ADAM23: variants seen among roughly 807,000 people sequenced by gnomAD.
ADAM23 encodes ADAM metallopeptidase domain 23.
In ADAM23, 33 loss-of-function variants were observed where a neutral mutation model predicts 120.1. The observed-to-expected ratio is 0.27, with a 90% CI of 0.21 to 0.37. ADAM23 has a LOEUF of 0.37. ADAM23 is among the 10% of genes least tolerant of loss of function. The probability of loss-of-function intolerance (pLI) is 1.00; values close to 1 mark genes in which losing one functional copy is unlikely to be tolerated. For missense variants in ADAM23, 862 were observed against 1,058.2 expected, an observed-to-expected ratio of 0.81 and a Z score of 2.57; for synonymous variants, 367 against 375.2, an observed-to-expected ratio of 0.98 and a Z score of 0.25.
In ADAM23 at chr2:206,594,823, A is replaced by G; in HGVS notation, c.2165A>G (p.Asp722Gly). Residue 722 changes from aspartate (D) to glycine (G), a missense_variant, in exon 23 of 26, where the codon GAT (aspartate) becomes GGT (glycine). Transcript: ENST00000264377. ...TGTGGCCCGTCTATGATGTGTTTAG[A>G]TCGGAAGTGCCTACAAATTCAAGCC... is the stretch of plus-strand genomic sequence containing the variant. ...TPCGPSMMCL[D>G]RKCLQIQALN... is the part of the protein sequence containing the mutation. The G allele has an allele frequency of 1.2e-6, 2 of 1,614,136 alleles. No homozygotes were observed. The highest frequency in any genetic ancestry group is 8.5e-7 in the Non-Finnish European group (1 of 1,180,022).
intron 3 of ADAM23, among the ~76,000 whole-genome samples, chr2:206,507,649 T>C (rs1171159985): frequency 1.3e-5 from 2 of 152,244 alleles, no homozygotes; most frequent in Non-Finnish European, 2.9e-5. Context: ...GGATTTATTG[T>C]ATGGCTTTTT....
At position 206,573,207 on chromosome 2, in the gene ADAM23, T is replaced by A. The variant is rs372787299; in HGVS notation, c.1737+12T>A. 200 of 1,612,856 alleles carry A rather than the reference T, an allele frequency of 1.2e-4. No individual in the cohort carries two copies. Among genetic ancestry groups the A allele is most frequent in the Non-Finnish European group, 1.6e-4 (186 of 1,178,952 alleles). ...GAGACTCTGGTCAGGTATGGCGCAC[T>A]GAGTTTTTGGTAATACATTTTACTT... is the stretch of plus-strand genomic sequence containing the variant. On this transcript the variant is annotated intron_variant, in intron 18 of 25. Transcript: ENST00000264377.
intron 9 of ADAM23, among the ~76,000 whole-genome samples, chr2:206,556,552 G>T (rs773867796): frequency 6.6e-6 from 1 of 152,096 alleles, no homozygotes; most frequent in Non-Finnish European, 1.5e-5. Context: ...CCAGTAGAGG[G>T]CATGATTTTC....
chr2:206,612,565 T>C (rs963207667), intron 25 of ADAM23, among the ~76,000 whole-genome samples: 11 of 152,158 alleles, frequency 7.2e-5, no homozygotes, highest in Non-Finnish European at 2.9e-5. Context: ...TAAAGGAAAA[T>C]ACAGTAACTA....
rs906501911 is a variant in ADAM23 at position 206,474,247 on chromosome 2, G to T, written c.433-6985G>T. On this transcript the variant is annotated intron_variant, in intron 2 of 25. Transcript: ENST00000264377. ...GCAAATTACCCTAATTTGCAGAACC[G>T]CCTTCATGTAGCATTTGCAGCTGTT... is the stretch of plus-strand genomic sequence containing the variant. Among the ~76,000 whole-genome samples the T allele has an allele frequency of 2.6e-5, 4 of 152,182 alleles. No individual in the cohort carries two copies. In the East Asian group the frequency reaches 5.8e-4, roughly 22 times the overall value.
intron 18 of ADAM23, among the ~76,000 whole-genome samples, chr2:206,583,065 C>T (rs1283022939): frequency 1.3e-5 from 2 of 152,142 alleles, no homozygotes; most frequent in East Asian, 3.8e-4. Context: ...CTCAGGTGTT[C>T]TTTGTGCTTC....
chr2:206,470,485 C>T (rs948099076), intron 2 of ADAM23, among the ~76,000 whole-genome samples: 4 of 151,994 alleles, frequency 2.6e-5, no homozygotes, highest in African/African-American at 9.7e-5. Flanking sequence ...TGTGGAAGTT[C>T]GATATTAGAG....
At chr2:206,523,430 G>A (rs935534720) in intron 3 of ADAM23, among the ~76,000 whole-genome samples, 8 of 152,236 alleles carry the variant, frequency 5.3e-5, no homozygotes, top group Middle Eastern at 3.4e-3. Flanking sequence ...CTGACTTAAC[G>A]CAAAGCCTCT....
chr2:206,547,630 G>A (rs2105811562), intron 7 of ADAM23, 129 bp downstream of exon 7: 2 of 679,618 alleles, frequency 2.9e-6, no homozygotes, highest in South Asian at 4.6e-5. Flanking sequence ...TCGTGGATCA[G>A]CACTGGAATG....
At chr2:206,543,405 A>C in intron 6 of ADAM23, 89 bp downstream of exon 6, 2 of 1,144,752 alleles carry the variant, frequency 1.7e-6, no homozygotes, top group Non-Finnish European at 1.3e-6. Context: ...TGTAGATTTC[A>C]AAGTGCCTTT....
intron 3 of ADAM23, among the ~76,000 whole-genome samples, chr2:206,517,411 G>A (rs1427925935): frequency 6.6e-6 from 1 of 152,124 alleles, no homozygotes; most frequent in Admixed American, 6.6e-5. Flanking sequence ...TGAGTATGGT[G>A]TGCCATCTTG....
At chr2:206,519,773 A>T (rs951568259) in intron 3 of ADAM23, among the ~76,000 whole-genome samples, 5 of 152,144 alleles carry the variant, frequency 3.3e-5, no homozygotes, top group Non-Finnish European at 7.4e-5. Context: ...GCACTTTGGG[A>T]AGCCAAGAAG....
At chr2:206,597,256 C>T (rs1698546696) in intron 24 of ADAM23, among the ~76,000 whole-genome samples, 2 of 146,144 alleles carry the variant, frequency 1.4e-5, no homozygotes, top group Non-Finnish European at 3.0e-5. Context: ...CTTGGCTCAT[C>T]GTAACCTCTG....
At chr2:206,460,260 C>T (rs764800712) in intron 2 of ADAM23, among the ~76,000 whole-genome samples, 13 of 152,104 alleles carry the variant, frequency 8.5e-5, no homozygotes, top group South Asian at 2.1e-4. Flanking sequence ...AAAAGTTGGG[C>T]GCTTATAATT....
At chr2:206,450,489 G>T (rs1695170991) in intron 2 of ADAM23, among the ~76,000 whole-genome samples, 2 of 152,142 alleles carry the variant, frequency 1.3e-5, no homozygotes, top group Non-Finnish European at 2.9e-5. Context: ...GGTTCCCATG[G>T]AATTCATGTT....
At chr2:206,519,530 A>T (rs1696803123) in intron 3 of ADAM23, among the ~76,000 whole-genome samples, 1 of 152,118 alleles carries the variant, frequency 6.6e-6, no homozygotes, top group Non-Finnish European at 1.5e-5. Context: ...CTAAATGATA[A>T]CTTAAAAAAA....
intron 18 of ADAM23, 70 bp from the exon 19 acceptor site, chr2:206,587,255 T>C: frequency 2.6e-6 from 3 of 1,147,322 alleles, no homozygotes; most frequent in Non-Finnish European, 2.6e-6. Flanking sequence ...GCTTGCATTA[T>C]ATATAGTATG....
In ADAM23 at chr2:206,582,197, G is replaced by C. The variant is rs181563206; in HGVS notation, c.1738-5128G>C. On this transcript the variant is annotated intron_variant, in intron 18 of 25. Coordinates refer to ENST00000264377, the MANE Select transcript of ADAM23 (RefSeq NM_003812.4). ...CCGGCCAACATTTCTTAGGTCATTA[G>C]TAATTGTTTGGTAAGTGTGGTAGCT... is the stretch of plus-strand genomic sequence containing the variant. 5.2e-4 allele frequency among the ~76,000 whole-genome samples: 79 copies of C among 152,242 alleles called. 1 individual carries two copies. The highest frequency in any genetic ancestry group is 1.5e-3 in the African/African-American group (61 of 41,558).
intron 9 of ADAM23, among the ~76,000 whole-genome samples, chr2:206,553,007 A>G (rs1286897234): frequency 6.6e-6 from 1 of 152,132 alleles, no homozygotes; most frequent in Non-Finnish European, 1.5e-5. Context: ...AGTAGGTATG[A>G]TATGGTCATC....
Sources: allele counts gnomAD v4.1 joint callset (sites outside exome capture counted in the v4.1 genomes callset), GRCh38; gene constraint gnomAD v4.1.1; transcripts MANE v1.5; gene names NCBI Gene and HGNC (gene_info 2026-07-23, HGNC 2026-07-21).